GABRB3: variants seen among roughly 807,000 people sequenced by gnomAD.
The protein encoded by GABRB3 is gamma-aminobutyric acid receptor subunit beta-3.
Under a neutral mutation model 52.1 loss-of-function variants are expected in GABRB3, and 14 were observed. The ratio of observed to expected loss-of-function variants is 0.27; its 90% CI spans 0.18 to 0.42. The LOEUF is 0.42. Ranked by LOEUF, GABRB3 falls within the 10% of genes least tolerant of loss-of-function variation. GABRB3 has a pLI of 1.00. For synonymous variants in GABRB3, 260 were observed against 232.3 expected, an observed-to-expected ratio of 1.12 and a Z score of -1.08; for missense variants, 307 against 609.1, an observed-to-expected ratio of 0.50 and a Z score of 5.22.
chr15:26,574,866 A>T (rs1336576365), intron 6 of GABRB3, among the ~76,000 whole-genome samples: 2 of 152,230 alleles, frequency 1.3e-5, no homozygotes, highest in Non-Finnish European at 2.9e-5. Context: ...TGCCCTTTAA[A>T]TGGGTAAATT....
chr15:26,590,950 A>G (rs1399130406), intron 4 of GABRB3, among the ~76,000 whole-genome samples: 1 of 152,212 alleles, frequency 6.6e-6, no homozygotes, highest in African/African-American at 2.4e-5. Context: ...CCTAAGATGC[A>G]TTCTTTTTCT....
At chr15:26,712,209 T>G (rs1298826289) in intron 3 of GABRB3, among the ~76,000 whole-genome samples, 1 of 150,978 alleles carries the variant, frequency 6.6e-6, no homozygotes, top group Non-Finnish European at 1.5e-5. Flanking sequence ...AGACAGCATC[T>G]CATTATGTTG....
chr15:26,752,419 A>G (rs2140173226), intron 3 of GABRB3, among the ~76,000 whole-genome samples: 1 of 151,892 alleles, frequency 6.6e-6, no homozygotes, highest in African/African-American at 2.4e-5. Flanking sequence ...GCTCACCACC[A>G]CACCCAGCTA....
At chr15:26,593,508 T>C (rs900094119) in intron 4 of GABRB3, among the ~76,000 whole-genome samples, 1 of 152,138 alleles carries the variant, frequency 6.6e-6, no homozygotes, top group Non-Finnish European at 1.5e-5. Flanking sequence ...TCACATACTG[T>C]CTCTATGAAT....
At position 26,582,995 on chromosome 15, in the gene GABRB3, G is replaced by A. The variant is rs557279857; in HGVS notation, c.544+337C>T. ...CCTGATGGGAAATGAGTTTTACTCT[G>A]ACCGCCCAGGGTCCCAGCAGTGCAG... On this transcript the variant is annotated intron_variant, in intron 5 of 8. Transcript: ENST00000311550. Among the ~76,000 whole-genome samples, 151 of 152,188 alleles carry A rather than the reference G, an allele frequency of 9.9e-4. 1 individual carries two copies. The highest frequency in any genetic ancestry group is 3.5e-3 in the African/African-American group (144 of 41,524).
At chr15:26,631,283 A>T (rs986373981) in intron 3 of GABRB3, among the ~76,000 whole-genome samples, 8 of 152,374 alleles carry the variant, frequency 5.3e-5, no homozygotes, top group Non-Finnish European at 1.2e-4. Context: ...AATTGCAGTA[A>T]GACATATAAA....
intron 3 of GABRB3, among the ~76,000 whole-genome samples, chr15:26,625,821 C>T (rs1249122793): frequency 6.6e-6 from 1 of 152,116 alleles, no homozygotes; most frequent in East Asian, 1.9e-4. Flanking sequence ...GCAGTAGACA[C>T]CAAATGAGAC....
intron 4 of GABRB3, among the ~76,000 whole-genome samples, chr15:26,605,751 T>C (rs1281535396): frequency 1.3e-5 from 2 of 152,080 alleles, no homozygotes. Context: ...AGATAGAGAC[T>C]AGAAGGATGG....
intron 3 of GABRB3, chr15:26,624,333 G>T (rs76350455): frequency 1.9e-4 from 190 of 985,422 alleles, no homozygotes; most frequent in Non-Finnish European, 2.2e-4. Flanking sequence ...TGTTACACTC[G>T]TATTGAAATA....
chr15:26,745,757 A>G (rs570538422), intron 3 of GABRB3, among the ~76,000 whole-genome samples: 1 of 152,240 alleles, frequency 6.6e-6, no homozygotes, highest in Non-Finnish European at 1.5e-5. Context: ...GCATAATTCC[A>G]TGAGCGCCAT....
chr15:26,709,521 T>C (rs1471391497), intron 3 of GABRB3, among the ~76,000 whole-genome samples: 102 of 135,844 alleles, frequency 7.5e-4, no homozygotes, highest in African/African-American at 2.0e-3. Context: ...CTTTCTTTTT[T>C]TTTTTTTTTT....
intron 3 of GABRB3, among the ~76,000 whole-genome samples, chr15:26,648,807 G>C (rs1887097601): frequency 6.6e-6 from 1 of 152,168 alleles, no homozygotes; most frequent in South Asian, 2.1e-4. Context: ...TCTCTGATGG[G>C]GAAGGAAAGA....
intron 3 of GABRB3, among the ~76,000 whole-genome samples, chr15:26,661,935 A>G (rs1887565328): frequency 6.6e-6 from 1 of 151,526 alleles, no homozygotes; most frequent in South Asian, 2.1e-4. Flanking sequence ...CACAAACCAC[A>G]TGAAAAAAAA....
intron 3 of GABRB3, among the ~76,000 whole-genome samples, chr15:26,744,555 A>G (rs1890288062): frequency 6.6e-6 from 1 of 152,162 alleles, no homozygotes; most frequent in Middle Eastern, 3.4e-3. Flanking sequence ...CTTCCCGAGT[A>G]CCTGGGATTA....
At chr15:26,565,362 G>T (rs1435225371) in intron 7 of GABRB3, among the ~76,000 whole-genome samples, 1 of 152,090 alleles carries the variant, frequency 6.6e-6, no homozygotes, top group Non-Finnish European at 1.5e-5. Context: ...GTTCTTGTCT[G>T]GCCAGACCCA....
chr15:26,626,234 T>A (rs1184139332), intron 3 of GABRB3, among the ~76,000 whole-genome samples: 1 of 152,162 alleles, frequency 6.6e-6, no homozygotes, highest in Admixed American at 6.5e-5. Flanking sequence ...GGCAAACTTA[T>A]CGTACAAATG....
intron 4 of GABRB3, among the ~76,000 whole-genome samples, chr15:26,606,805 T>TTGATAG (rs1891834609): frequency 2.5e-5 from 3 of 117,950 alleles, no homozygotes; most frequent in Non-Finnish European, 6.0e-5. Context: ...TAGATATATC[T>TTGATAG]ATAGATAGAT....
intron 3 of GABRB3, among the ~76,000 whole-genome samples, chr15:26,697,320 C>T (rs1447338108): frequency 6.6e-6 from 1 of 152,098 alleles, no homozygotes; most frequent in Non-Finnish European, 1.5e-5. Flanking sequence ...ATAAACATAA[C>T]CTATATGTGC....
At chr15:26,597,498 G>A (rs1017127227) in intron 4 of GABRB3, among the ~76,000 whole-genome samples, 1 of 152,278 alleles carries the variant, frequency 6.6e-6, no homozygotes, top group South Asian at 2.1e-4. Context: ...TTCAGATTAC[G>A]AAGAATGCAG....
Sources: gnomAD v4.1 joint callset for allele counts (sites outside exome capture counted in the v4.1 genomes callset) on GRCh38, gnomAD v4.1.1 for gene constraint, MANE v1.5 for transcripts, NCBI Gene and HGNC (gene_info 2026-07-23, HGNC 2026-07-21) for gene names.